FBXO21: variants seen among roughly 807,000 people sequenced by gnomAD.
FBXO21 encodes F-box only protein 21.
FBXO21 carries 32 observed loss-of-function variants against 76.6 expected under a neutral mutation model. The observed-to-expected ratio is 0.42, with a 90% CI of 0.32 to 0.56. The LOEUF (loss-of-function observed/expected upper bound fraction) is 0.56. Among genes scored for constraint, FBXO21 ranks in the 20% least tolerant of loss-of-function variants. The pLI, the probability that FBXO21 is intolerant of heterozygous loss-of-function variation, is 0.16. For missense variants in FBXO21, 586 were observed against 797.3 expected (o/e 0.73, Z 3.19); for synonymous variants, 328 against 311.5 (o/e 1.05, Z -0.56).
At position 117,190,447 on chromosome 12, in the gene FBXO21, C is replaced by T; in HGVS notation, c.10G>A (p.Ala4Thr). MAA[A>T]AVDSAMEVVP... ...ACCTCCATCGCGCTGTCGACTGCTG[C>T]CGCCGCCATCTTGTCCGCGTACCTG... Residue 4 changes from alanine to threonine, a missense_variant, in exon 1 of 12, where the codon GCA (alanine) becomes ACA (threonine). Coordinates refer to ENST00000622495, the MANE Select transcript of FBXO21 (RefSeq NM_015002.3). 1.5e-6 allele frequency: 2 copies of T among 1,359,678 alleles called. No individual in the cohort carries two copies. The highest frequency in any genetic ancestry group is 1.4e-5 in the South Asian group (1 of 73,822). 84.2% of individuals were successfully genotyped at this position (1,359,678 alleles called of 1,614,324 possible).
Position 117,178,831 on chromosome 12 carries a change from T to G in FBXO21, c.471-1190A>C, listed in dbSNP as rs1488291177. On this transcript the variant is annotated intron_variant, in intron 3 of 11. Transcript: ENST00000622495. ...TCCCCGATTATATTTCTCTATAGCA[T>G]GTTTCATTTTCTAATGTAACCAATT... Among the ~76,000 whole-genome samples, 6 of 152,184 alleles carry G rather than the reference T, an allele frequency of 3.9e-5. 1 individual carries two copies. In the South Asian group the frequency reaches 1.2e-3, roughly 32 times the overall value.
At chr12:117,146,612 T>C (rs1189656823) in intron 11 of FBXO21, among the ~76,000 whole-genome samples, 2 of 152,184 alleles carry the variant, frequency 1.3e-5, no homozygotes, top group Non-Finnish European at 2.9e-5. Flanking sequence ...GACTGGACAA[T>C]GGGACAACAT....
intron 9 of FBXO21, among the ~76,000 whole-genome samples, chr12:117,162,158 AG>A (rs909378151): frequency 1.3e-5 from 2 of 152,178 alleles, no homozygotes; most frequent in Non-Finnish European, 2.9e-5. Flanking sequence ...AATAGAAGAG[AG>A]GGGTGTTTGC....
intron 11 of FBXO21, among the ~76,000 whole-genome samples, chr12:117,151,577 A>C (rs1418283548): frequency 1.3e-5 from 2 of 152,260 alleles, no homozygotes. Context: ...ATAAAAACAC[A>C]TTAACCCAGA....
intron 11 of FBXO21, among the ~76,000 whole-genome samples, chr12:117,152,529 A>AGG (rs75368425): frequency 4.2e-5 from 6 of 143,532 alleles, no homozygotes; most frequent in Admixed American, 7.8e-5. Context: ...CATATGAAAA[A>AGG]GGGGGGAAAA....
At chr12:117,179,300 C>T (rs975791066) in intron 3 of FBXO21, among the ~76,000 whole-genome samples, 5 of 152,212 alleles carry the variant, frequency 3.3e-5, no homozygotes, top group Non-Finnish European at 7.3e-5. Context: ...AGAAGCCCTC[C>T]GGGGCCCCCC....
intron 3 of FBXO21, among the ~76,000 whole-genome samples, chr12:117,181,599 G>GAA: frequency 6.9e-6 from 1 of 145,536 alleles, no homozygotes; most frequent in Non-Finnish European, 1.5e-5. Flanking sequence ...ATCTGAGACA[G>GAA]TCTATCTATC....
chr12:117,149,302 GT>G (rs2135844123), intron 11 of FBXO21, among the ~76,000 whole-genome samples: 1 of 152,286 alleles, frequency 6.6e-6, no homozygotes, highest in South Asian at 2.1e-4. Context: ...GCCTGGCCAT[GT>G]TTGGATTTTC....
chr12:117,181,752 C>T (rs746918325), intron 3 of FBXO21, among the ~76,000 whole-genome samples: 66 of 152,186 alleles, frequency 4.3e-4, no homozygotes, highest in Admixed American at 1.4e-3. Context: ...CAGGTTCAAG[C>T]GATTCTCTTG....
chr12:117,186,156 C>T (rs563185255), intron 3 of FBXO21, among the ~76,000 whole-genome samples: 3 of 152,274 alleles, frequency 2.0e-5, no homozygotes, highest in South Asian at 4.1e-4. Flanking sequence ...GGATTACAGG[C>T]GTGAGCCACC....
chr12:117,184,123 G>A (rs1033374982), intron 3 of FBXO21, among the ~76,000 whole-genome samples: 2 of 151,246 alleles, frequency 1.3e-5, no homozygotes, highest in Non-Finnish European at 2.9e-5. Flanking sequence ...TTGTTTTCTG[G>A]CTCTTCTTGT....
At position 117,172,221 on chromosome 12, in the gene FBXO21, G is replaced by C. The variant is rs1956124892; in HGVS notation, c.1013+250C>G. Among the ~76,000 whole-genome samples the C allele has an allele frequency of 2.0e-5, 3 of 152,274 alleles. No individual in the cohort carries two copies. The South Asian group carries it at 6.2e-4, about 32-fold the overall frequency. On this transcript the variant is annotated intron_variant, in intron 7 of 11. Transcript: ENST00000622495. Reference sequence around the variant, plus strand: ...TGTAGATTCACACATGCAGTTTTAAGAAATACAGAAAGACCCAGAGTACCC... The same window carrying C: ...TGTAGATTCACACATGCAGTTTTAACAAATACAGAAAGACCCAGAGTACCC...
Position 117,186,450 on chromosome 12 carries a change from C to T in FBXO21, c.470+27G>A, listed in dbSNP as rs201875226. 4.7e-4 allele frequency: 700 copies of T among 1,489,692 alleles called. 4 individuals are homozygous for T. The highest frequency in any genetic ancestry group is 3.5e-4 in the Non-Finnish European group (372 of 1,068,978). The allele number at this position is 1,489,692 out of a possible 1,614,324, so 92.3% of individuals were successfully genotyped here. On this transcript the variant is annotated intron_variant, in intron 3 of 11. Transcript: ENST00000622495. ...TTTACTCTGGACTTATTAAAGCAAACAAATCCCTGCTAAAGCTATGGCTTA... is the reference window on the plus strand; with the variant it reads ...TTTACTCTGGACTTATTAAAGCAAATAAATCCCTGCTAAAGCTATGGCTTA...
intron 11 of FBXO21, among the ~76,000 whole-genome samples, chr12:117,146,990 C>T (rs898234474): frequency 1.3e-5 from 2 of 152,118 alleles, no homozygotes; most frequent in South Asian, 2.1e-4. Flanking sequence ...TACCTGTAAT[C>T]CCAGCACTTT....
chr12:117,168,264 GC>G (rs1029340826), intron 7 of FBXO21, among the ~76,000 whole-genome samples: 3 of 152,098 alleles, frequency 2.0e-5, no homozygotes, highest in Non-Finnish European at 4.4e-5. Context: ...GGTGGCTAAC[GC>G]CTGTAATCTC....
Position 117,186,515 on chromosome 12 carries a change from A to C in FBXO21, c.432T>G (p.Phe144Leu). ...IENLEGPEIF[F>L]EDELVCILNM... is the part of the protein sequence containing the mutation. ...TTAGGATACACACCAGTTCATCCTC[A>C]AAAAAAATCTCTGGTCCTTCAAGGT... is the stretch of plus-strand genomic sequence containing the variant. The change falls in exon 3 of 12, where the codon TTT becomes TTG. Residue 144 changes from phenylalanine to leucine, a missense_variant. Around this residue, in one of 6 missense-constraint regions of FBXO21, gnomAD observed 246 missense variants for 356.8 expected, o/e 0.69. Coordinates refer to ENST00000622495, the MANE Select transcript of FBXO21 (RefSeq NM_015002.3). 2 of 1,608,030 alleles carry C rather than the reference A, an allele frequency of 1.2e-6. No individual in the cohort carries two copies. Among genetic ancestry groups the C allele is most frequent in the Non-Finnish European group, 1.7e-6 (2 of 1,175,716 alleles).
rs185758514 is a variant in FBXO21, at chr12:117,182,184, C to T, written c.470+4293G>A. Among the ~76,000 whole-genome samples, 22 of 152,212 alleles carry T rather than the reference C, an allele frequency of 1.4e-4. No homozygotes were observed. In the East Asian group the frequency reaches 2.9e-3, roughly 20 times the overall value. ...TGGTATCCCAAAATATTTTTAAATG[C>T]GGGGTATTCTATCATTTAAAAACAA... On this transcript the variant is annotated intron_variant, in intron 3 of 11. Coordinates refer to ENST00000622495, the MANE Select transcript of FBXO21 (RefSeq NM_015002.3).
chr12:117,167,118 C>T (rs199989771), intron 7 of FBXO21, 41 bp from the exon 8 acceptor site: 2 of 1,527,302 alleles, frequency 1.3e-6, no homozygotes, highest in African/African-American at 1.4e-5. Flanking sequence ...CTGAACAACT[C>T]ATTATTTTAA....
intron 5 of FBXO21, 123 bp downstream of exon 5, chr12:117,174,528 G>A (rs924712061): frequency 1.6e-5 from 20 of 1,261,164 alleles, no homozygotes; most frequent in Middle Eastern, 1.9e-4. Context: ...AGGTAAACAC[G>A]TGGTCACGTC....
Sources: gnomAD v4.1 joint callset for allele counts (sites outside exome capture counted in the v4.1 genomes callset) on GRCh38, gnomAD v4.1.1 for gene constraint, gnomAD v4.1.1 regional missense constraint, MANE v1.5 for transcripts, NCBI Gene and HGNC (gene_info 2026-07-23, HGNC 2026-07-21) for gene names.